The following FGF14 variants were observed in gnomAD, a reference collection of about 807,000 sequenced individuals.
FGF14 encodes fibroblast growth factor 14.
Under a neutral mutation model 25.5 loss-of-function variants are expected in FGF14, and 5 were observed. The ratio of observed to expected loss-of-function variants is 0.20; its 90% CI spans 0.10 to 0.41. The LOEUF (loss-of-function observed/expected upper bound fraction) is 0.41, where lower values mean the gene tolerates loss of function less well. FGF14 is among the 10% of genes least tolerant of loss of function. The probability of loss-of-function intolerance (pLI) is 1.00; values close to 1 mark genes in which losing one functional copy is unlikely to be tolerated. For synonymous variants in FGF14, 138 were observed against 118.3 expected, an observed-to-expected ratio of 1.17 and a Z score of -1.08; for missense variants, 222 against 320.1, an observed-to-expected ratio of 0.69 and a Z score of 2.34.
intron 1 of FGF14, among the ~76,000 whole-genome samples, chr13:101,910,512 A>G (rs573465921): frequency 5.9e-4 from 90 of 152,276 alleles, no homozygotes; most frequent in African/African-American, 2.0e-3. Flanking sequence ...ATCAAAAACC[A>G]TAAAATCATA....
At chr13:102,230,716 C>T (rs61078665) in intron 1 of FGF14, among the ~76,000 whole-genome samples, 12,439 of 152,174 alleles carry the variant, frequency 0.082, 876 homozygotes, top group African/African-American at 0.18. Context: ...CCTCAAAGAC[C>T]CTAATCCATC....
chr13:101,918,811 G>A (rs1277776701), upstream of FGF14, among the ~76,000 whole-genome samples: 1 of 152,176 alleles, frequency 6.6e-6, no homozygotes, highest in Non-Finnish European at 1.5e-5. Flanking sequence ...TTGGCTTTAC[G>A]ACGGTGTTTG....
chr13:101,916,533 C>A lies in FGF14; in HGVS notation c.113G>T (p.Gly38Val). The A allele has an allele frequency of 1.2e-6, 2 of 1,613,760 alleles. No individual in the cohort carries two copies. The highest frequency in any genetic ancestry group is 1.7e-6 in the Non-Finnish European group (2 of 1,179,940). ...ATCCACCAGGTTGCCGTTGCAGAGCCCGCGGTTCTTGCTGGGGCTGCTCCG... is the reference window on the plus strand; with the variant it reads ...ATCCACCAGGTTGCCGTTGCAGAGCACGCGGTTCTTGCTGGGGCTGCTCCG... ...RRRSSPSKNRGLCNGNLVDIF... is the reference protein window; with the variant it reads ...RRRSSPSKNRVLCNGNLVDIF... The change falls in exon 1 of 5, where the codon GGG (glycine) becomes GTG (valine). Residue 38 changes from glycine to valine, a missense_variant. Physicochemically the swap from Gly to Val is moderately radical, Grantham distance 109 (BLOSUM62 -3). Coordinates refer to ENST00000376143, the MANE Select transcript of FGF14 (RefSeq NM_004115.4).
chr13:102,058,237 G>A (rs1162897283), intron 1 of FGF14, among the ~76,000 whole-genome samples: 1 of 152,048 alleles, frequency 6.6e-6, no homozygotes, highest in African/African-American at 2.4e-5. Flanking sequence ...ACCGAAAAAA[G>A]GATTATTTTA....
Position 102,330,044 on chromosome 13 carries a change from C to T in FGF14, c.208+71427G>A, listed in dbSNP as rs555508170. Among the ~76,000 whole-genome samples the T allele has an allele frequency of 8.3e-4, 126 of 152,206 alleles. 1 individual carries two copies. The highest frequency in any genetic ancestry group is 1.9e-3 in the Admixed American group (29 of 15,288). On this transcript the variant is annotated intron_variant, in intron 1 of 4. Transcript: ENST00000376131. ...GTTATTCTCACTCTGATCACACAAC[C>T]GCTAACCCCAAGTGGACCCTTAATG... is the stretch of plus-strand genomic sequence containing the variant.
At chr13:101,901,235 T>A (rs1472758599) in intron 1 of FGF14, among the ~76,000 whole-genome samples, 1 of 152,120 alleles carries the variant, frequency 6.6e-6, no homozygotes, top group Non-Finnish European at 1.5e-5. Context: ...ATTATTGAAA[T>A]AGCAACATTT....
chr13:102,016,563 T>C (rs2040358659), intron 1 of FGF14, among the ~76,000 whole-genome samples: 1 of 152,162 alleles, frequency 6.6e-6, no homozygotes, highest in South Asian at 2.1e-4. Flanking sequence ...ATATTTTTCT[T>C]TTATTTTCCA....
At chr13:101,812,724 G>A (rs1236915718) in intron 3 of FGF14, among the ~76,000 whole-genome samples, 1 of 124,272 alleles carries the variant, frequency 8.0e-6, no homozygotes, top group Non-Finnish European at 1.6e-5. Context: ...GTGCAATGGC[G>A]CTATCTCAGC....
intron 1 of FGF14, among the ~76,000 whole-genome samples, chr13:102,388,690 C>T (rs1449544907): frequency 6.6e-5 from 10 of 152,194 alleles, no homozygotes. Flanking sequence ...TTTCCCATTT[C>T]GAACTAACAG....
intron 3 of FGF14, among the ~76,000 whole-genome samples, chr13:101,746,999 T>TA (rs2036933635): frequency 6.6e-6 from 1 of 151,986 alleles, no homozygotes; most frequent in Non-Finnish European, 1.5e-5. Flanking sequence ...GTAGACTGTC[T>TA]AAACTATGAT....
At chr13:102,120,394 TGAGTAGTG>T (rs2045664372) in intron 1 of FGF14, among the ~76,000 whole-genome samples, 4 of 152,188 alleles carry the variant, frequency 2.6e-5, no homozygotes, top group Non-Finnish European at 5.9e-5. Context: ...GTCAGCGTCA[TGAGTAGTG>T]TTAAATGAGG....
chr13:101,895,001 C>T (rs1204587967), intron 1 of FGF14, among the ~76,000 whole-genome samples: 2 of 152,156 alleles, frequency 1.3e-5, no homozygotes, highest in African/African-American at 4.8e-5. Context: ...AATATTAGTT[C>T]ATCCAATATG....
At chr13:101,940,021 CCTTTG>C (rs978462820) in intron 1 of FGF14, among the ~76,000 whole-genome samples, 6 of 152,200 alleles carry the variant, frequency 3.9e-5, no homozygotes, top group African/African-American at 1.4e-4. Context: ...GATGCAGAAT[CCTTTG>C]CTTCTCTTTT....
chr13:102,126,240 C>T (rs2045942923), intron 1 of FGF14, among the ~76,000 whole-genome samples: 2 of 152,182 alleles, frequency 1.3e-5, no homozygotes. Flanking sequence ...CTCTCCTTTG[C>T]TACTGATCAT....
chr13:102,161,628 G>C (rs1470581721), intron 1 of FGF14, among the ~76,000 whole-genome samples: 7 of 6,234 alleles, frequency 1.1e-3, no homozygotes, highest in Non-Finnish European at 1.4e-3. Context: ...AGAAGAAGAA[G>C]AAGAAGAAGA....
intron 3 of FGF14, among the ~76,000 whole-genome samples, chr13:101,756,056 T>C (rs772374674): frequency 6.6e-6 from 1 of 152,154 alleles, no homozygotes; most frequent in Non-Finnish European, 1.5e-5. Context: ...ACAGATACTA[T>C]TTTAGTACGA....
At chr13:102,151,690 C>T (rs181059164) in intron 1 of FGF14, among the ~76,000 whole-genome samples, 23 of 152,044 alleles carry the variant, frequency 1.5e-4, no homozygotes, top group African/African-American at 3.9e-4. Context: ...TTAGTAGAGA[C>T]GGGATTTCAC....
intron 1 of FGF14, among the ~76,000 whole-genome samples, chr13:102,357,954 G>A (rs1361298752): frequency 6.6e-6 from 1 of 152,050 alleles, no homozygotes; most frequent in Non-Finnish European, 1.5e-5. Context: ...CAGTTGTATG[G>A]GCAGAGATAT....
chr13:102,076,768 AAATCTTAAGTTTTTTTTATGG>A (rs2043382267), intron 1 of FGF14, among the ~76,000 whole-genome samples: 1 of 152,200 alleles, frequency 6.6e-6, no homozygotes, highest in Non-Finnish European at 1.5e-5. Flanking sequence ...TATCCAAAAA[AAATCTTAAGTTTTTTTTATGG>A]AACCACAAAA....
Sources: gnomAD v4.1 joint callset for allele counts (sites outside exome capture counted in the v4.1 genomes callset) on GRCh38, gnomAD v4.1.1 for gene constraint, MANE v1.5 for transcripts, NCBI Gene and HGNC (gene_info 2026-07-23, HGNC 2026-07-21) for gene names.